The following ADGB variants were observed in gnomAD, a reference collection of about 807,000 sequenced individuals.
ADGB encodes calpain-7-like protein.
Under a neutral mutation model 210.5 loss-of-function variants are expected in ADGB, and 172 were observed. That is an observed-to-expected ratio of 0.82 (90% confidence interval 0.72 to 0.93). The LOEUF is 0.93. ADGB is among the 40% of genes least tolerant of loss of function. The pLI, the probability that ADGB is intolerant of heterozygous loss-of-function variation, is 0.00. For synonymous variants in ADGB, 658 were observed against 662.7 expected (o/e 0.99, Z 0.11); for missense variants, 2,025 against 1,964.8 (o/e 1.03, Z -0.58).
In ADGB at chr6:146,801,179, A is replaced by T. The variant is rs757519474; in HGVS notation, c.4538-4A>T. ...TTTTTGTTGTGTGTGTGTTTTTTTT[A>T]AAGAAACAGGACCTCGTACACGATC... On this transcript the variant is annotated splice_region_variant and splice_polypyrimidine_tract_variant and intron_variant, in intron 33 of 35. Transcript: ENST00000397944. 1.9e-5 allele frequency: 27 copies of T among 1,451,370 alleles called. No homozygotes were observed. Among genetic ancestry groups the T allele is most frequent in the African/African-American group, 1.2e-4 (8 of 68,444 alleles). 89.9% of individuals were successfully genotyped at this position (1,451,370 alleles called of 1,614,324 possible).
intron 23 of ADGB, among the ~76,000 whole-genome samples, chr6:146,740,046 C>G (rs536017485): frequency 6.6e-6 from 1 of 152,228 alleles, no homozygotes; most frequent in Non-Finnish European, 1.5e-5. Flanking sequence ...TCACTTTAAA[C>G]TCCATTTCAG....
chr6:146,662,899 A>G (rs986156392), intron 5 of ADGB, among the ~76,000 whole-genome samples: 1 of 148,276 alleles, frequency 6.7e-6, no homozygotes, highest in Non-Finnish European at 1.5e-5. Flanking sequence ...ATAAGACTTC[A>G]TTCCACAATC....
At chr6:146,680,474 C>T (rs2114911165) in intron 9 of ADGB, among the ~76,000 whole-genome samples, 1 of 152,242 alleles carries the variant, frequency 6.6e-6, no homozygotes, top group South Asian at 2.1e-4. Context: ...TTAACTCCTG[C>T]CAGAAGTTGA....
Position 146,650,597 on chromosome 6 carries a change from C to CAAAA in ADGB, c.331-3504_331-3501dup, listed in dbSNP as rs57913607. On this transcript the variant is annotated intron_variant, in intron 3 of 35. Transcript: ENST00000397944. ...ATAAATACTCCTGAGTCCCTCCCAC[C>CAAAA]AAAAAAAAAAAAAAAAAAAAAAAAA... Among the ~76,000 whole-genome samples the CAAAA allele has an allele frequency of 9.0e-4, 33 of 36,560 alleles. 7 individuals are homozygous for CAAAA. Among genetic ancestry groups the CAAAA allele is most frequent in the African/African-American group, 1.5e-3 (11 of 7,446 alleles). The allele number at this position is 36,560 out of a possible 152,430, so 24.0% of individuals were successfully genotyped here.
intron 32 of ADGB, among the ~76,000 whole-genome samples, chr6:146,787,846 G>A (rs920151295): frequency 6.6e-6 from 1 of 152,158 alleles, no homozygotes; most frequent in Non-Finnish European, 1.5e-5. Flanking sequence ...TCTATATAAT[G>A]AGGAAATTAT....
intron 33 of ADGB, among the ~76,000 whole-genome samples, chr6:146,790,947 G>A (rs1202762450): frequency 6.6e-6 from 1 of 152,166 alleles, no homozygotes; most frequent in East Asian, 1.9e-4. Context: ...GACTGGAGAT[G>A]TTAATCATCT....
intron 11 of ADGB, among the ~76,000 whole-genome samples, chr6:146,691,783 A>T (rs1776333424): frequency 6.6e-6 from 1 of 151,674 alleles, no homozygotes; most frequent in African/African-American, 2.4e-5. Flanking sequence ...CGATGTTATT[A>T]TTAGTGTGAT....
chr6:146,756,686 C>G (rs1052457508), intron 27 of ADGB, among the ~76,000 whole-genome samples: 1 of 151,840 alleles, frequency 6.6e-6, no homozygotes, highest in Admixed American at 6.6e-5. Context: ...TCTAAATGCC[C>G]CAATAAATAG....
intron 22 of ADGB, 51 bp downstream of exon 22, chr6:146,734,081 T>A: frequency 6.6e-7 from 1 of 1,513,254 alleles, no homozygotes; most frequent in Non-Finnish European, 8.9e-7. Context: ...TAAGAATAAA[T>A]ATTTATGTGT....
In ADGB at chr6:146,635,550, A is replaced by G. The variant is rs2114859112; in HGVS notation, c.237+13A>G. ...AAGCCCTGTATTTGTAAGTAGATGTAAATGTGACTAGGTTTCATTTTGGTT... is the reference window on the plus strand; with the variant it reads ...AAGCCCTGTATTTGTAAGTAGATGTGAATGTGACTAGGTTTCATTTTGGTT... On this transcript the variant is annotated intron_variant, in intron 2 of 35. Coordinates refer to ENST00000397944, the MANE Select transcript of ADGB (RefSeq NM_024694.4). 1 of 1,495,502 alleles carries G rather than the reference A, an allele frequency of 6.7e-7. No individual in the cohort carries two copies. Among genetic ancestry groups the G allele is most frequent in the Non-Finnish European group, 8.9e-7 (1 of 1,120,554 alleles). 92.6% of individuals were successfully genotyped at this position (1,495,502 alleles called of 1,614,324 possible).
At chr6:146,802,916 A>C (rs2114666980) in intron 35 of ADGB, 1 of 1,610,556 alleles carries the variant, frequency 6.2e-7, no homozygotes, top group Admixed American at 1.7e-5. Context: ...TAAAATTTGA[A>C]TATTTCCATC....
Position 146,643,535 on chromosome 6 carries a change from T to TTCTAAG in ADGB, c.238-1238_238-1237insTCTAAG, listed in dbSNP as rs60693661. ...ATAAATTCTTAGAACTCTTACATAGTACTTGCCCAAAGCATTTTTAACTTA... is the reference window on the plus strand; with the variant it reads ...ATAAATTCTTAGAACTCTTACATAGTTCTAAGACTTGCCCAAAGCATTTTTAACTTA... On this transcript the variant is annotated intron_variant, in intron 2 of 35. Coordinates refer to ENST00000397944, the MANE Select transcript of ADGB (RefSeq NM_024694.4). Among the ~76,000 whole-genome samples, 1,502 of 152,004 alleles carry TTCTAAG rather than the reference T, an allele frequency of 9.9e-3. 30 individuals are homozygous for TTCTAAG. The highest frequency in any genetic ancestry group is 0.033 in the African/African-American group (1,362 of 41,514).
At position 146,609,116 on chromosome 6, in the gene ADGB, G is replaced by A. The variant is rs1037583551; in HGVS notation, c.74+10002G>A. ...TTCTTTTTGAACTGAACCCTTTATC[G>A]TTATTTAATGTTTTTTGTCCCTTTC... On this transcript the variant is annotated intron_variant, in intron 1 of 35. Coordinates refer to ENST00000397944, the MANE Select transcript of ADGB (RefSeq NM_024694.4). Among the ~76,000 whole-genome samples, 6 of 152,130 alleles carry A rather than the reference G, an allele frequency of 3.9e-5. 1 individual carries two copies. The South Asian group carries it at 1.0e-3, about 26-fold the overall frequency.
chr6:146,737,726 A>C (rs552645082), intron 23 of ADGB, among the ~76,000 whole-genome samples: 2 of 152,242 alleles, frequency 1.3e-5, no homozygotes, highest in South Asian at 4.2e-4. Context: ...TCCTACACCT[A>C]ATTTTCATGA....
chr6:146,642,726 AAAG>A (rs145983463), intron 2 of ADGB, among the ~76,000 whole-genome samples: 4,393 of 152,038 alleles, frequency 0.029, 113 homozygotes, highest in Admixed American at 0.079. Flanking sequence ...TTATGAACAC[AAAG>A]AAGGAGACAA....
At chr6:146,698,303 A>C (rs1045937570) in intron 12 of ADGB, among the ~76,000 whole-genome samples, 6 of 152,234 alleles carry the variant, frequency 3.9e-5, no homozygotes, top group African/African-American at 1.4e-4. Flanking sequence ...TCGGTCACAC[A>C]TATAATGGCC....
intron 1 of ADGB, among the ~76,000 whole-genome samples, chr6:146,613,224 A>G (rs1780738415): frequency 6.6e-6 from 1 of 152,230 alleles, no homozygotes. Flanking sequence ...CCATTTAAAT[A>G]ATTTTTGTAA....
chr6:146,731,086 G>C (rs917362647), intron 20 of ADGB, among the ~76,000 whole-genome samples: 8 of 152,132 alleles, frequency 5.3e-5, no homozygotes, highest in Non-Finnish European at 1.2e-4. Flanking sequence ...TTTTCGTAGG[G>C]AGTGATTAAG....
chr6:146,728,720 A>G lies in ADGB; in HGVS notation c.2499A>G (p.Glu833=). The G allele has an allele frequency of 1.9e-6, 3 of 1,550,270 alleles. No homozygotes were observed. The highest frequency in any genetic ancestry group is 2.6e-6 in the Non-Finnish European group (3 of 1,146,050). ...AHYPVPFHDK[E]LTAQHFRVFH... ...ACCCTGTCCCCTTCCATGATAAAGAACTAACTGCACAGCACTTCAGGGTAA... is the reference window on the plus strand; with the variant it reads ...ACCCTGTCCCCTTCCATGATAAAGAGCTAACTGCACAGCACTTCAGGGTAA... Residue 833 remains glutamate (E), a synonymous_variant, in exon 20 of 36, where the codon GAA becomes GAG. Transcript: ENST00000397944.
Sources: gnomAD v4.1 joint callset for allele counts (sites outside exome capture counted in the v4.1 genomes callset) on GRCh38, gnomAD v4.1.1 for gene constraint, MANE v1.5 for transcripts, NCBI Gene and HGNC (gene_info 2026-07-23, HGNC 2026-07-21) for gene names.